TBR1: variants seen among roughly 807,000 people sequenced by gnomAD.
TBR1 encodes the protein T-box brain transcription factor 1.
TBR1 carries 7 observed loss-of-function variants against 60.3 expected under a neutral mutation model. That is an observed-to-expected ratio of 0.12 (90% CI 0.07 to 0.22). The LOEUF is 0.22. Ranked by LOEUF, TBR1 falls within the 10% of genes least tolerant of loss-of-function variation. The pLI is 1.00. For synonymous variants in TBR1, 417 were observed against 409.9 expected (o/e 1.02, Z -0.21); for missense variants, 616 against 936.8 (o/e 0.66, Z 4.47).
In TBR1 at chr2:161,418,206, C is replaced by T. The variant is rs754584509; in HGVS notation, c.853C>T (p.Arg285Trp). 1 of 1,610,566 alleles carries T rather than the reference C, an allele frequency of 6.2e-7. No homozygotes were observed. ...CAATGTATTTCTTTCTCTAGGAAATCGGGTCTATATGCATCCGGATTCCCC... is the reference window on the plus strand; with the variant it reads ...CAATGTATTTCTTTCTCTAGGAAATTGGGTCTATATGCATCCGGATTCCCC... ...GKADTNVQGN[R>W]VYMHPDSPNT... is the part of the protein sequence containing the mutation. The change falls in exon 3 of 6, where the codon CGG becomes TGG. Residue 285 changes from arginine (R) to tryptophan (W), a missense_variant. Around this residue, in one of 8 missense-constraint regions of TBR1, gnomAD observed 85 missense variants for 164.9 expected, o/e 0.52. Coordinates refer to ENST00000389554, the MANE Select transcript of TBR1 (RefSeq NM_006593.4).
chr2:161,418,336 G>A lies in TBR1; in HGVS notation c.969+14G>A. The A allele has an allele frequency of 6.2e-7, 1 of 1,610,618 alleles. No individual in the cohort carries two copies. Among genetic ancestry groups the A allele is most frequent in the Non-Finnish European group, 8.5e-7 (1 of 1,178,338 alleles). On this transcript the variant is annotated intron_variant, in intron 3 of 5. Transcript: ENST00000389554. The stretch of plus-strand genomic sequence containing the variant: ...AACAATGGGCAGGTCAGTGGCTCAA[G>A]CGCTCGTGTTTTCTCTCTCTCTCAC...
chr2:161,420,986 C>A (rs764384553), intron 5 of TBR1: 1 of 152,252 alleles, frequency 6.6e-6, no homozygotes, highest in Admixed American at 6.5e-5. Flanking sequence ...CTTTAGGCCT[C>A]CCTTACCTCC....
At chr2:161,418,738 C>A (rs1684176704) in intron 3 of TBR1, 154 bp from the exon 4 acceptor site, 1 of 1,065,132 alleles carries the variant, frequency 9.4e-7, no homozygotes, top group Non-Finnish European at 1.3e-6. Flanking sequence ...AGCCAGCCAG[C>A]CGCCAGCCAG....
At chr2:161,419,195 G>T in intron 4 of TBR1, 145 bp downstream of exon 4, 4 of 1,207,642 alleles carry the variant, frequency 3.3e-6, no homozygotes, top group Non-Finnish European at 4.6e-6. Context: ...AAGGCTTAGG[G>T]CTCGGGGCCT....
chr2:161,418,213 A>G lies in TBR1; in HGVS notation c.860A>G (p.Tyr287Cys). ...ADTNVQGNRV[Y>C]MHPDSPNTGA... ...TTTCTTTCTCTAGGAAATCGGGTCT[A>G]TATGCATCCGGATTCCCCCAACACT... Residue 287 changes from tyrosine (Y) to cysteine (C), a missense_variant, in exon 3 of 6, where the codon TAT (tyrosine) becomes TGT (cysteine). Tyr to Cys is a radical substitution (Grantham distance 194). Coordinates refer to ENST00000389554, the MANE Select transcript of TBR1 (RefSeq NM_006593.4). The G allele has an allele frequency of 6.2e-7, 1 of 1,613,588 alleles. No homozygotes were observed. Among genetic ancestry groups the G allele is most frequent in the Non-Finnish European group, 8.5e-7 (1 of 1,179,882 alleles).
chr2:161,423,160 G>A (rs1392336324), intron 5 of TBR1: 1 of 431,974 alleles, frequency 2.3e-6, no homozygotes, highest in East Asian at 3.5e-5. Flanking sequence ...AGACAGATTG[G>A]CTCCTCTATA....
intron 5 of TBR1, chr2:161,420,788 A>T (rs1444715911): frequency 1.3e-5 from 2 of 152,542 alleles, no homozygotes; most frequent in Non-Finnish European, 2.9e-5. Flanking sequence ...CAAGTTGGCT[A>T]CGGACTGAAT....
chr2:161,420,295 G>T (rs1684207583), intron 5 of TBR1, 38 bp downstream of exon 5: 5 of 1,569,110 alleles, frequency 3.2e-6, no homozygotes, highest in Non-Finnish European at 4.4e-6. Flanking sequence ...AATAGCTGTG[G>T]AATTGGGCTT....
Position 161,423,807 on chromosome 2 carries a change from G to A in TBR1, c.1629G>A (p.Ser543=). The A allele has an allele frequency of 6.8e-7, 1 of 1,476,366 alleles. No individual in the cohort carries two copies. Among genetic ancestry groups the A allele is most frequent in the Non-Finnish European group, 8.9e-7 (1 of 1,118,568 alleles). 91.5% of individuals were successfully genotyped at this position (1,476,366 alleles called of 1,614,324 possible). A position where few individuals can be genotyped will look rare whatever the true frequency, so the allele number is the denominator to read the frequency against. The change falls in exon 6 of 6, where the codon TCG becomes TCA. Residue 543 remains serine (S), a synonymous_variant. Coordinates refer to ENST00000389554, the MANE Select transcript of TBR1 (RefSeq NM_006593.4). The part of the protein sequence containing the change: ...GRPLGYYADP[S]GWGARSPPQY... ...CGCTCGGCTACTACGCCGACCCGTC[G>A]GGCTGGGGCGCCCGCAGTCCCCCGC...
chr2:161,421,235 G>A (rs1670066461), intron 5 of TBR1: 1 of 152,240 alleles, frequency 6.6e-6, no homozygotes, highest in African/African-American at 2.4e-5. Context: ...AAAAGTTGAA[G>A]CTGCCTTTGA....
chr2:161,418,815 G>A (rs938445332), intron 3 of TBR1, 77 bp from the exon 4 acceptor site: 6 of 1,526,228 alleles, frequency 3.9e-6, no homozygotes, highest in Non-Finnish European at 5.3e-6. Context: ...CGGGCGCGCA[G>A]CCGGGCGCAC....
Position 161,419,016 on chromosome 2 carries a change from A to G in TBR1, c.1094A>G (p.Gln365Arg). 6.2e-7 allele frequency: 1 copy of G among 1,614,198 alleles called. No homozygotes were observed. The highest frequency in any genetic ancestry group is 8.5e-7 in the Non-Finnish European group (1 of 1,180,030). ...CAGACGTTCACTTTCCCTGAGACTC[A>G]GTTCATCGCCGTCACCGCCTACCAG... is the stretch of plus-strand genomic sequence containing the variant. ...RVQTFTFPET[Q>R]FIAVTAYQNT... The change falls in exon 4 of 6, where the codon CAG becomes CGG. Residue 365 changes from glutamine (Q) to arginine (R), a missense_variant. Gln to Arg is a conservative substitution (Grantham distance 43). Transcript: ENST00000389554.
intron 4 of TBR1, 23 bp downstream of exon 4, chr2:161,419,073 G>A: frequency 6.2e-7 from 1 of 1,613,556 alleles, no homozygotes; most frequent in Non-Finnish European, 8.5e-7. Flanking sequence ...AGGGGCTGGG[G>A]GCGAGGCGGG....
At chr2:161,422,050 T>C (rs1331454869) in intron 5 of TBR1, 1 of 152,144 alleles carries the variant, frequency 6.6e-6, no homozygotes, top group Non-Finnish European at 1.5e-5. Context: ...TACTTGGACA[T>C]GGCTCAATTT....
chr2:161,419,474 T>G (rs2194730), intron 4 of TBR1: 110 of 180,268 alleles, frequency 6.1e-4, no homozygotes, highest in Non-Finnish European at 1.1e-3. Flanking sequence ...TCTCTCTCTT[T>G]TTTTCATCTC....
intron 3 of TBR1, 97 bp from the exon 4 acceptor site, chr2:161,418,795 T>A: frequency 1.3e-6 from 2 of 1,484,620 alleles, no homozygotes; most frequent in Non-Finnish European, 1.8e-6. Context: ...GCAGGCTGCC[T>A]CCGCCGGCCC....
At chr2:161,420,155 GTATAAAA>G in intron 4 of TBR1, 34 bp from the exon 5 acceptor site, 1 of 1,549,106 alleles carries the variant, frequency 6.5e-7, no homozygotes. Flanking sequence ...CAGTCTTCAC[GTATAAAA>G]GGTGAGATAA....
chr2:161,419,854 A>C (rs138623897), intron 4 of TBR1: 2 of 164,684 alleles, frequency 1.2e-5, no homozygotes, highest in African/African-American at 4.7e-5. Flanking sequence ...TTAGTGATGA[A>C]TTCAAGTTCT....
chr2:161,418,325 C>G lies in TBR1; in HGVS notation c.969+3C>G. 1 of 1,612,560 alleles carries G rather than the reference C, an allele frequency of 6.2e-7. No individual in the cohort carries two copies. The highest frequency in any genetic ancestry group is 8.5e-7 in the Non-Finnish European group (1 of 1,179,282). On this transcript the variant is annotated splice_donor_region_variant and intron_variant, in intron 3 of 5. Coordinates refer to ENST00000389554, the MANE Select transcript of TBR1 (RefSeq NM_006593.4). ...GAGCTTCAAATAACAATGGGCAGGT[C>G]AGTGGCTCAAGCGCTCGTGTTTTCT...
Sources: gnomAD v4.1 joint callset for allele counts on GRCh38, gnomAD v4.1.1 for gene constraint, gnomAD v4.1.1 regional missense constraint, MANE v1.5 for transcripts, NCBI Gene and HGNC (gene_info 2026-07-23, HGNC 2026-07-21) for gene names.